Variants in DYNC1I1 observed in about 807,000 individuals in gnomAD.
DYNC1I1 encodes dynein cytoplasmic 1 intermediate chain 1, also known as cytoplasmic dynein 1 intermediate chain 1.
Under a neutral mutation model 86.6 loss-of-function variants are expected in DYNC1I1, and 43 were observed. That is an observed-to-expected ratio of 0.50 (90% CI 0.39 to 0.64). The LOEUF (loss-of-function observed/expected upper bound fraction) is 0.64. Ranked by LOEUF, DYNC1I1 falls within the 30% of genes least tolerant of loss-of-function variation. The probability of loss-of-function intolerance (pLI) is 0.00; values close to 1 mark genes in which losing one functional copy is unlikely to be tolerated. For synonymous variants in DYNC1I1, 262 were observed against 283.7 expected (o/e 0.92, Z 0.77); for missense variants, 604 against 788.8 (o/e 0.77, Z 2.81).
intron 6 of DYNC1I1, among the ~76,000 whole-genome samples, chr7:95,950,594 T>G (rs1792526037): frequency 1.3e-5 from 2 of 152,232 alleles, no homozygotes; most frequent in South Asian, 4.1e-4. Flanking sequence ...CTTGTCCTGT[T>G]CTGACATCTG....
At chr7:95,904,236 A>T (rs745427004) in intron 6 of DYNC1I1, among the ~76,000 whole-genome samples, 14 of 152,068 alleles carry the variant, frequency 9.2e-5, no homozygotes, top group Non-Finnish European at 1.6e-4. Context: ...GTTACCAAGG[A>T]CCTGGACCCT....
chr7:95,943,164 C>A (rs1462682863), intron 6 of DYNC1I1, among the ~76,000 whole-genome samples: 2 of 151,012 alleles, frequency 1.3e-5, no homozygotes, highest in South Asian at 4.2e-4. Context: ...TGATAAGCAA[C>A]TTCAGCAAAG....
At chr7:96,096,840 T>C (rs529349667) in intron 16 of DYNC1I1, among the ~76,000 whole-genome samples, 18 of 152,136 alleles carry the variant, frequency 1.2e-4, no homozygotes, top group Non-Finnish European at 1.8e-4. Context: ...GTGCCTCTAA[T>C]ATAGGAATGT....
At chr7:96,049,257 CAAAAAAAA>C (rs200677000) in intron 14 of DYNC1I1, among the ~76,000 whole-genome samples, 2 of 76,060 alleles carry the variant, frequency 2.6e-5, no homozygotes, top group African/African-American at 4.9e-5. Flanking sequence ...GACTCCATCT[CAAAAAAAA>C]AAAAAAAAAA....
chr7:95,863,740 C>T (rs1789949157), intron 5 of DYNC1I1, among the ~76,000 whole-genome samples: 1 of 152,138 alleles, frequency 6.6e-6, no homozygotes, highest in South Asian at 2.1e-4. Flanking sequence ...TGCCTCTCCT[C>T]TTATTTCAGG....
intron 9 of DYNC1I1, among the ~76,000 whole-genome samples, chr7:95,989,935 C>T (rs1230115558): frequency 1.3e-5 from 2 of 151,896 alleles, no homozygotes; most frequent in Non-Finnish European, 2.9e-5. Flanking sequence ...TAGATGCAAT[C>T]GAATGATATT....
intron 6 of DYNC1I1, among the ~76,000 whole-genome samples, chr7:95,946,230 G>A (rs937746580): frequency 1.3e-5 from 2 of 151,864 alleles, no homozygotes; most frequent in African/African-American, 2.4e-5. Context: ...GGTTTGATAG[G>A]TGCAGCAAAC....
chr7:95,810,339 A>G, intron 2 of DYNC1I1, 53 bp from the exon 3 acceptor site: 2 of 1,473,020 alleles, frequency 1.4e-6, no homozygotes, highest in South Asian at 2.6e-5. Flanking sequence ...TCAGCCAGGA[A>G]AAGCATACAT....
rs575424821 is a variant in DYNC1I1, at chr7:95,850,106, G to A, written c.375-19777G>A. On this transcript the variant is annotated intron_variant, in intron 5 of 16. Transcript: ENST00000447467. ...GTTTATTATTTCTGAAGGTTTTTTA[G>A]TGAAGTCTTTAGGGTTTTCTATATA... Among the ~76,000 whole-genome samples the A allele has an allele frequency of 6.7e-4, 102 of 152,006 alleles. 4 individuals are homozygous for A. Among genetic ancestry groups the A allele is most frequent in the Admixed American group, 6.0e-3 (92 of 15,272 alleles).
chr7:96,106,507 C>G (rs1354290000), intron 16 of DYNC1I1, among the ~76,000 whole-genome samples: 1 of 151,762 alleles, frequency 6.6e-6, no homozygotes, highest in Admixed American at 6.6e-5. Context: ...TGCACTCCAG[C>G]CTGGGCAACA....
intron 1 of DYNC1I1, among the ~76,000 whole-genome samples, chr7:95,798,307 C>G (rs1352996824): frequency 6.6e-6 from 1 of 151,764 alleles, no homozygotes; most frequent in Non-Finnish European, 1.5e-5. Flanking sequence ...CTGGCCAACT[C>G]CCTCCTGAGA....
At chr7:95,964,769 A>G (rs1055310780) in intron 6 of DYNC1I1, among the ~76,000 whole-genome samples, 6 of 152,200 alleles carry the variant, frequency 3.9e-5, no homozygotes, top group Non-Finnish European at 7.4e-5. Context: ...GTATGTTGCT[A>G]TATTAACTGG....
chr7:95,861,959 A>C (rs1350449308), intron 5 of DYNC1I1, among the ~76,000 whole-genome samples: 1 of 152,190 alleles, frequency 6.6e-6, no homozygotes, highest in Non-Finnish European at 1.5e-5. Flanking sequence ...ATCTCTGAAC[A>C]TTAAGAAAAT....
At chr7:95,980,044 C>T (rs144208135) in intron 7 of DYNC1I1, among the ~76,000 whole-genome samples, 2 of 152,230 alleles carry the variant, frequency 1.3e-5, no homozygotes, top group East Asian at 3.9e-4. Context: ...CCCATCACCA[C>T]CACCCCAGCC....
At chr7:95,808,537 A>C (rs1160842177) in intron 2 of DYNC1I1, among the ~76,000 whole-genome samples, 1 of 152,148 alleles carries the variant, frequency 6.6e-6, no homozygotes, top group Non-Finnish European at 1.5e-5. Flanking sequence ...TTAATGAAAA[A>C]TTGGCTTTAA....
chr7:96,019,847 C>T lies in DYNC1I1; in HGVS notation c.970-8328C>T, dbSNP rs188841021. On this transcript the variant is annotated intron_variant, in intron 10 of 16. Coordinates refer to ENST00000447467, the MANE Select transcript of DYNC1I1 (RefSeq NM_001135556.2). The stretch of plus-strand genomic sequence containing the variant: ...GTTGAGCAAGAAGAGTCCTCTGGAC[C>T]ACTTACAGTGTTTAGAGATTTTTCT... Among the ~76,000 whole-genome samples, 501 of 152,070 alleles carry T rather than the reference C, an allele frequency of 3.3e-3. 2 individuals carry two copies. The highest frequency in any genetic ancestry group is 0.012 in the African/African-American group (483 of 41,500).
chr7:95,802,386 T>A (rs1794600857), intron 1 of DYNC1I1, among the ~76,000 whole-genome samples: 1 of 152,190 alleles, frequency 6.6e-6, no homozygotes, highest in Admixed American at 6.5e-5. Context: ...CACATTCGCC[T>A]ACCATTCCCG....
chr7:96,102,830 A>G (rs1563006591), downstream of DYNC1I1, among the ~76,000 whole-genome samples: 2 of 152,292 alleles, frequency 1.3e-5, no homozygotes, highest in East Asian at 3.9e-4. Flanking sequence ...TGCCATCTGA[A>G]GCAAAAACAG....
At chr7:96,033,540 A>C (rs1393000350) in intron 12 of DYNC1I1, among the ~76,000 whole-genome samples, 2 of 152,190 alleles carry the variant, frequency 1.3e-5, no homozygotes, top group African/African-American at 4.8e-5. Context: ...CCTCCAACCA[A>C]AAACAACAGA....
Sources: gnomAD v4.1 joint callset for allele counts (sites outside exome capture counted in the v4.1 genomes callset) on GRCh38, gnomAD v4.1.1 for gene constraint, MANE v1.5 for transcripts, NCBI Gene and HGNC (gene_info 2026-07-23, HGNC 2026-07-21) for gene names.